BACH2: variants seen among roughly 807,000 people sequenced by gnomAD.
BACH2 encodes BACH transcriptional regulator 2.
A neutral mutation model predicts 61.8 loss-of-function variants in BACH2; 5 were observed. The observed-to-expected ratio is 0.08, with a 90% CI of 0.04 to 0.17. The LOEUF is 0.17. Ranked by LOEUF, BACH2 falls within the 10% of genes least tolerant of loss-of-function variation. BACH2 has a pLI of 1.00. For missense variants in BACH2, 824 were observed against 1,091.1 expected (o/e 0.76, Z 3.45); for synonymous variants, 446 against 440.1 (o/e 1.01, Z -0.17).
chr6:90,123,718 C>T (rs1169871350), intron 4 of BACH2, among the ~76,000 whole-genome samples: 10 of 130,340 alleles, frequency 7.7e-5, no homozygotes, highest in South Asian at 4.9e-4. Flanking sequence ...TGCAGTGAGC[C>T]GAGATCCCGC....
intron 4 of BACH2, among the ~76,000 whole-genome samples, chr6:90,160,945 GGGCGTGGT>G (rs1785167908): frequency 6.6e-6 from 1 of 152,072 alleles, no homozygotes; most frequent in East Asian, 1.9e-4. Context: ...AAAATTAGCT[GGGCGTGGT>G]GGCGTGCGCT....
chr6:90,221,369 A>G (rs1769728436), intron 3 of BACH2, among the ~76,000 whole-genome samples: 1 of 152,192 alleles, frequency 6.6e-6, no homozygotes, highest in East Asian at 1.9e-4. Flanking sequence ...GTCCAGTCCT[A>G]TACACCTCAG....
intron 3 of BACH2, among the ~76,000 whole-genome samples, chr6:90,228,377 A>C (rs890758902): frequency 6.6e-6 from 1 of 152,210 alleles, no homozygotes; most frequent in Non-Finnish European, 1.5e-5. Flanking sequence ...GATTATTACT[A>C]TAATGCATTA....
At chr6:90,236,636 AAG>A (rs1770268284) in intron 3 of BACH2, among the ~76,000 whole-genome samples, 1 of 152,202 alleles carries the variant, frequency 6.6e-6, no homozygotes, top group African/African-American at 2.4e-5. Flanking sequence ...GAGGCAGGTA[AAG>A]AGTTTCCTGT....
intron 5 of BACH2, among the ~76,000 whole-genome samples, chr6:90,050,814 G>A (rs1172489172): frequency 2.7e-5 from 4 of 150,826 alleles, no homozygotes; most frequent in Non-Finnish European, 4.4e-5. Flanking sequence ...CTGTCGCCCA[G>A]CCTGGAGTGC....
At chr6:89,954,834 A>G (rs937077732) in intron 6 of BACH2, among the ~76,000 whole-genome samples, 4 of 152,140 alleles carry the variant, frequency 2.6e-5, no homozygotes, top group Non-Finnish European at 4.4e-5. Context: ...TGATCGTCAT[A>G]TGGTCATGAA....
intron 1 of BACH2, among the ~76,000 whole-genome samples, chr6:90,286,089 G>C (rs1772008686): frequency 6.6e-6 from 1 of 152,152 alleles, no homozygotes. Context: ...CAGCTGCACT[G>C]AAATCTCACG....
intron 4 of BACH2, among the ~76,000 whole-genome samples, chr6:90,141,163 G>A (rs116896282): frequency 4.6e-5 from 7 of 152,168 alleles, no homozygotes; most frequent in African/African-American, 9.6e-5. Flanking sequence ...AATGTATTGC[G>A]TGATACATTT....
At chr6:90,147,036 G>A (rs753675702) in intron 4 of BACH2, among the ~76,000 whole-genome samples, 10 of 151,952 alleles carry the variant, frequency 6.6e-5, no homozygotes, top group Non-Finnish European at 7.4e-5. Flanking sequence ...AATTTTTCCC[G>A]AAAGGGTAGA....
chr6:90,023,318 A>G (rs1004999123), intron 5 of BACH2, among the ~76,000 whole-genome samples: 1 of 151,800 alleles, frequency 6.6e-6, no homozygotes, highest in Non-Finnish European at 1.5e-5. Context: ...GTTTAACACC[A>G]TCCCCCTTGG....
chr6:90,013,537 C>G (rs1409500145), intron 5 of BACH2, among the ~76,000 whole-genome samples: 3 of 137,000 alleles, frequency 2.2e-5, no homozygotes, highest in African/African-American at 8.2e-5. Flanking sequence ...GATGGAGTCT[C>G]GCTCTGTCGC....
chr6:90,076,855 A>G (rs1160393876), intron 5 of BACH2, among the ~76,000 whole-genome samples: 3 of 152,170 alleles, frequency 2.0e-5, no homozygotes, highest in Non-Finnish European at 4.4e-5. Context: ...AACCTGGGTT[A>G]AAATACTCTC....
At chr6:90,147,482 G>A (rs1562473737) in intron 4 of BACH2, among the ~76,000 whole-genome samples, 1 of 152,140 alleles carries the variant, frequency 6.6e-6, no homozygotes, top group Non-Finnish European at 1.5e-5. Flanking sequence ...GCAGCCACTC[G>A]CTGGTATCCT....
chr6:90,295,851 T>A, intron 1 of BACH2, among the ~76,000 whole-genome samples: 1 of 152,256 alleles, frequency 6.6e-6, no homozygotes, highest in East Asian at 1.9e-4. Context: ...AGCTCGCCTC[T>A]TCCTGCGACC....
chr6:89,970,902 G>C lies in BACH2; in HGVS notation c.244-19040C>G, dbSNP rs563206741. Among the ~76,000 whole-genome samples the C allele has an allele frequency of 2.3e-4, 35 of 152,324 alleles. 2 individuals are homozygous for C. In the South Asian group the frequency reaches 7.3e-3, roughly 32 times the overall value. ...TCACAGAAAGAGAGCAAGGCAAAGA[G>C]AAGCAAATGCCTCAAAAAATATATG... On this transcript the variant is annotated intron_variant, in intron 6 of 8. Transcript: ENST00000257749.
intron 3 of BACH2, among the ~76,000 whole-genome samples, chr6:90,243,728 A>T (rs1313921131): frequency 3.9e-5 from 6 of 152,222 alleles, no homozygotes; most frequent in Non-Finnish European, 7.3e-5. Context: ...CAAAAAAGCT[A>T]GCATCCTTTT....
chr6:90,113,482 C>T (rs1003447000), intron 4 of BACH2, among the ~76,000 whole-genome samples: 1 of 152,074 alleles, frequency 6.6e-6, no homozygotes, highest in Non-Finnish European at 1.5e-5. Context: ...CAACATGTTC[C>T]TGAATGACTT....
At position 90,008,383 on chromosome 6, in the gene BACH2, G is replaced by A; in HGVS notation, c.243+219C>T. The A allele has an allele frequency of 1.6e-6, 1 of 613,750 alleles. No individual in the cohort carries two copies. Among genetic ancestry groups the A allele is most frequent in the Non-Finnish European group, 2.8e-6 (1 of 356,168 alleles). The allele number at this position is 613,750 out of a possible 1,614,324, so 38.0% of individuals were successfully genotyped here. Reference sequence around the variant, plus strand: ...AACTACAAGTGACTGAGCCACAGGTGAGGTTCAGTTCCCTTCAAGAAAGAT... The same window carrying A: ...AACTACAAGTGACTGAGCCACAGGTAAGGTTCAGTTCCCTTCAAGAAAGAT... On this transcript the variant is annotated intron_variant, in intron 6 of 8. Transcript: ENST00000257749. The surrounding 1 kb of genome is among the most constrained non-coding windows in gnomAD (Gnocchi z 4.1).
chr6:90,066,058 T>C (rs1780948018), intron 5 of BACH2, among the ~76,000 whole-genome samples: 1 of 152,192 alleles, frequency 6.6e-6, no homozygotes, highest in South Asian at 2.1e-4. Context: ...TACTTTTATG[T>C]CTATGTACCC....
Sources: allele counts gnomAD v4.1 joint callset (sites outside exome capture counted in the v4.1 genomes callset), GRCh38; gene constraint gnomAD v4.1.1; non-coding constraint Gnocchi (gnomAD v3.1); transcripts MANE v1.5; gene names NCBI Gene and HGNC (gene_info 2026-07-23, HGNC 2026-07-21).